Variants in SLC39A5 observed in about 807,000 individuals in gnomAD.
SLC39A5 encodes the protein solute carrier family 39 member 5.
A neutral mutation model predicts 46.9 loss-of-function variants in SLC39A5; 42 were observed. The observed-to-expected ratio is 0.90, with a 90% CI of 0.70 to 1.16. SLC39A5 has a LOEUF of 1.16. Ranked by LOEUF, SLC39A5 falls within the 50% of genes most tolerant of loss-of-function variation. The probability of loss-of-function intolerance (pLI) is 0.00; values close to 1 mark genes in which losing one functional copy is unlikely to be tolerated. For missense variants in SLC39A5, 677 were observed against 686.8 expected, an observed-to-expected ratio of 0.99 and a Z score of 0.16; for synonymous variants, 311 against 323.1, an observed-to-expected ratio of 0.96 and a Z score of 0.40.
Position 56,232,892 on chromosome 12 carries a change from G to T in SLC39A5, c.471+20G>T. On this transcript the variant is annotated intron_variant, in intron 5 of 12. Coordinates refer to ENST00000454355, the MANE Select transcript of SLC39A5 (RefSeq NM_173596.3). ...GAGGATGTGAGTCTGACGGTCTCTA[G>T]AGGGGAAGGAGCCATGGGATTAGAT... 6.3e-7 allele frequency: 1 copy of T among 1,594,266 alleles called. No homozygotes were observed. Among genetic ancestry groups the T allele is most frequent in the South Asian group, 1.1e-5 (1 of 87,830 alleles).
chr12:56,235,272 G>T lies in SLC39A5; in HGVS notation c.750G>T (p.Gly250=). Residue 250 remains glycine (G), a synonymous_variant, in exon 7 of 13, where the codon GGG becomes GGT. Transcript: ENST00000454355. The part of the protein sequence containing the change: ...RLLRPLLGFL[G]ALAVGTLCGD... Reference sequence around the variant, plus strand: ...TACGGCCCTTGCTGGGCTTCCTGGGGGCCCTGGCGGTGGGCACTCTTTGTG... The same window carrying T: ...TACGGCCCTTGCTGGGCTTCCTGGGTGCCCTGGCGGTGGGCACTCTTTGTG... 6.4e-7 allele frequency: 1 copy of T among 1,561,952 alleles called. No individual in the cohort carries two copies. The highest frequency in any genetic ancestry group is 8.6e-7 in the Non-Finnish European group (1 of 1,159,360).
At chr12:56,234,584 G>A (rs1870539599) in intron 5 of SLC39A5, among the ~76,000 whole-genome samples, 2 of 151,924 alleles carry the variant, frequency 1.3e-5, no homozygotes, top group Admixed American at 1.3e-4. Context: ...CAAAGTGCTG[G>A]GATTACAGGC....
intron 10 of SLC39A5, 23 bp downstream of exon 10, chr12:56,236,769 G>A (rs769394944): frequency 2.5e-6 from 4 of 1,583,994 alleles, no homozygotes; most frequent in East Asian, 2.2e-5. Flanking sequence ...GGAACGGAGG[G>A]AAGCAGGTCC....
In SLC39A5 at chr12:56,236,616, C is replaced by G; in HGVS notation, c.1077C>G (p.Ser359Arg). The G allele has an allele frequency of 6.2e-7, 1 of 1,613,274 alleles. No individual in the cohort carries two copies. The highest frequency in any genetic ancestry group is 8.5e-7 in the Non-Finnish European group (1 of 1,179,464). The change falls in exon 10 of 13, where the codon AGC becomes AGG. Residue 359 changes from serine to arginine, a missense_variant. Ser to Arg is a moderately radical substitution (Grantham distance 110). Coordinates refer to ENST00000454355, the MANE Select transcript of SLC39A5 (RefSeq NM_173596.3). Reference sequence around the variant, plus strand: ...CTCAGGGCCAGAGGGAGAAGAACAGCCAGCACCCACCAGCTCTGGCCCCTC... The same window carrying G: ...CTCAGGGCCAGAGGGAGAAGAACAGGCAGCACCCACCAGCTCTGGCCCCTC... Reference protein sequence around the residue: ...PGAQGQREKNSQHPPALAPPG... With the variant: ...PGAQGQREKNRQHPPALAPPG...
rs766148953 is a variant in SLC39A5, at chr12:56,237,122, C to T, written c.1289-28C>T. ...GATGAGGGGCACCCCAGCTTACTCCCTCCCATCCTGTCCTCTGTCTCCAAT... is the reference window on the plus strand; with the variant it reads ...GATGAGGGGCACCCCAGCTTACTCCTTCCCATCCTGTCCTCTGTCTCCAAT... On this transcript the variant is annotated intron_variant, in intron 11 of 12. Transcript: ENST00000454355. The T allele has an allele frequency of 4.3e-6, 7 of 1,613,472 alleles. No homozygotes were observed. The Admixed American group carries it at 1.0e-4, about 23-fold the overall frequency.
Position 56,230,234 on chromosome 12 carries a change from C to A in SLC39A5, c.-170-6C>A, listed in dbSNP as rs893687074. 9.8e-5 allele frequency: 15 copies of A among 152,762 alleles called. No homozygotes were observed. Among genetic ancestry groups the A allele is most frequent in the African/African-American group, 3.6e-4 (15 of 41,452 alleles). The allele number at this position is 152,762 out of a possible 1,614,324, so 9.5% of individuals were successfully genotyped here. On this transcript the variant is annotated splice_region_variant and splice_polypyrimidine_tract_variant and intron_variant, in intron 1 of 12. Coordinates refer to ENST00000454355, the MANE Select transcript of SLC39A5 (RefSeq NM_173596.3). The stretch of plus-strand genomic sequence containing the variant: ...GCCCAGATCCTTGTTTCCTCTCCCC[C>A]CGCAGGGCTTCCCCTTTCTTGGTCA...
At position 56,231,172 on chromosome 12, in the gene SLC39A5, G is replaced by A. The variant is rs184699048; in HGVS notation, c.-71-32G>A. On this transcript the variant is annotated intron_variant, in intron 3 of 12. Coordinates refer to ENST00000454355, the MANE Select transcript of SLC39A5 (RefSeq NM_173596.3). ...CCATGGACCTGAGCTGGAGAGCAGA[G>A]CGCAGCTCCAGCCCATTCCTCATTC... 170 of 1,315,486 alleles carry A rather than the reference G, an allele frequency of 1.3e-4. 1 individual carries two copies. The Admixed American group carries it at 1.6e-3, about 13-fold the overall frequency. 81.5% of individuals were successfully genotyped at this position (1,315,486 alleles called of 1,614,324 possible). A position where few individuals can be genotyped will look rare whatever the true frequency, so the allele number is the denominator to read the frequency against.
intron 5 of SLC39A5, among the ~76,000 whole-genome samples, chr12:56,233,278 A>C: frequency 7.1e-6 from 1 of 141,458 alleles, no homozygotes; most frequent in African/African-American, 2.6e-5. Flanking sequence ...AAAAAAAAAA[A>C]AAAAAAAAAA....
chr12:56,237,442 G>A, intron 12 of SLC39A5, 102 bp downstream of exon 12: 1 of 1,528,830 alleles, frequency 6.5e-7, no homozygotes, highest in Non-Finnish European at 8.9e-7. Context: ...CTCCTGGAAG[G>A]GCGTCAGACC....
intron 12 of SLC39A5, 114 bp downstream of exon 12, chr12:56,237,454 T>C (rs1870926738): frequency 2.5e-5 from 38 of 1,540,000 alleles, no homozygotes; most frequent in Non-Finnish European, 3.0e-5. Context: ...CGTCAGACCA[T>C]AGGCCCGCAA....
chr12:56,233,155 C>T (rs780648615), intron 5 of SLC39A5, among the ~76,000 whole-genome samples: 1 of 150,460 alleles, frequency 6.6e-6, no homozygotes, highest in Non-Finnish European at 1.5e-5. Context: ...CCTAGCTACT[C>T]AGGAGGCTGA....
At chr12:56,232,603 C>T in intron 4 of SLC39A5, 86 bp from the exon 5 acceptor site, 1 of 1,249,436 alleles carries the variant, frequency 8.0e-7, no homozygotes, top group Non-Finnish European at 1.1e-6. Flanking sequence ...CTAGTCCCCC[C>T]ATTCCCCCTA....
At position 56,235,270 on chromosome 12, in the gene SLC39A5, G is replaced by C; in HGVS notation, c.748G>C (p.Gly250Arg). Residue 250 changes from glycine (G) to arginine (R), a missense_variant, in exon 7 of 13, where the codon GGG becomes CGG. Coordinates refer to ENST00000454355, the MANE Select transcript of SLC39A5 (RefSeq NM_173596.3). ...RLLRPLLGFL[G>R]ALAVGTLCGD... ...ACTACGGCCCTTGCTGGGCTTCCTG[G>C]GGGCCCTGGCGGTGGGCACTCTTTG... 1 of 1,566,606 alleles carries C rather than the reference G, an allele frequency of 6.4e-7. No individual in the cohort carries two copies. Among genetic ancestry groups the C allele is most frequent in the Non-Finnish European group, 8.6e-7 (1 of 1,161,038 alleles).
rs1054796372 is a variant in SLC39A5 at position 56,234,260 on chromosome 12, G to A, written c.472-564G>A. On this transcript the variant is annotated intron_variant, in intron 5 of 12. Transcript: ENST00000454355. The stretch of plus-strand genomic sequence containing the variant: ...CCTCCTGGGTTAAAGCAATTCTCCT[G>A]CCTCAGCCTCCCGAGTAGCTGGGAT... 1.7e-4 allele frequency among the ~76,000 whole-genome samples: 26 copies of A among 151,568 alleles called. 1 individual carries two copies. Among genetic ancestry groups the A allele is most frequent in the Admixed American group, 1.5e-3 (23 of 15,198 alleles).
At chr12:56,230,703 CCT>C (rs1870121132) in intron 2 of SLC39A5, 126 bp from the exon 3 acceptor site, 1 of 152,806 alleles carries the variant, frequency 6.5e-6, no homozygotes, top group African/African-American at 2.4e-5. Context: ...TGGCCCCACC[CCT>C]GACCCCGCCC....
chr12:56,232,623 GGA>G (rs1466917201), intron 4 of SLC39A5, 64 bp from the exon 5 acceptor site: 1 of 1,432,982 alleles, frequency 7.0e-7, no homozygotes, highest in Non-Finnish European at 9.3e-7. Context: ...AAAATCCCTG[GGA>G]GCCTCTCAAA....
rs368587109 is a variant in SLC39A5 at position 56,237,754 on chromosome 12, G to A, written c.*23G>A. The stretch of plus-strand genomic sequence containing the variant: ...TGATGGGGCCAGTGGAAAGGGGTCG[G>A]GTTGCCCTTCCTTCCCCCCAACCAC... On this transcript the variant is annotated 3_prime_UTR_variant, in exon 13 of 13. Coordinates refer to ENST00000454355, the MANE Select transcript of SLC39A5 (RefSeq NM_173596.3). 352 of 1,511,788 alleles carry A rather than the reference G, an allele frequency of 2.3e-4. No homozygotes were observed. The African/African-American group carries it at 4.3e-3, about 19-fold the overall frequency. 93.6% of individuals were successfully genotyped at this position (1,511,788 alleles called of 1,614,324 possible).
chr12:56,237,232 G>T lies in SLC39A5; in HGVS notation c.1371G>T (p.Leu457Phe), dbSNP rs757799654. 15 of 1,613,656 alleles carry T rather than the reference G, an allele frequency of 9.3e-6. No individual in the cohort carries two copies. Among genetic ancestry groups the T allele is most frequent in the Admixed American group, 1.7e-5 (1 of 59,986 alleles). The stretch of plus-strand genomic sequence containing the variant: ...GCCTCGTGTCTGGAGCCCTGGGATT[G>T]GGGGGTGCAGTCCTGGGGGTGGGGC... ...LLSLVSGALG[L>F]GGAVLGVGLS... Residue 457 changes from leucine (L) to phenylalanine (F), a missense_variant, in exon 12 of 13, where the codon TTG becomes TTT. By Grantham distance (22) the Leu-to-Phe change is conservative. Coordinates refer to ENST00000454355, the MANE Select transcript of SLC39A5 (RefSeq NM_173596.3).
chr12:56,236,694 G>A lies in SLC39A5; in HGVS notation c.1155G>A (p.Trp385Ter). Residue 385 changes from tryptophan to a stop codon, truncating the protein, a stop_gained, in exon 10 of 13, where the codon TGG (tryptophan) becomes TGA (stop). Transcript: ENST00000454355. LOFTEE classifies it high-confidence loss of function. Reference sequence around the variant, plus strand: ...ACCAGGGTGGCACTGATATCACGTGGATGGTCCTCCTGGGAGATGGTCTAC... The same window carrying A: ...ACCAGGGTGGCACTGATATCACGTGAATGGTCCTCCTGGGAGATGGTCTAC... Reference protein sequence around the residue: ...HGHQGGTDITWMVLLGDGLHN... With the variant: ...HGHQGGTDIT 1 of 1,612,850 alleles carries A rather than the reference G, an allele frequency of 6.2e-7. No homozygotes were observed. Among genetic ancestry groups the A allele is most frequent in the East Asian group, 2.2e-5 (1 of 44,852 alleles).
Sources: gnomAD v4.1 joint callset for allele counts (sites outside exome capture counted in the v4.1 genomes callset) on GRCh38, gnomAD v4.1.1 for gene constraint, MANE v1.5 for transcripts, NCBI Gene and HGNC (gene_info 2026-07-23, HGNC 2026-07-21) for gene names.